The following ZFAT variants were observed in gnomAD, a reference collection of about 807,000 sequenced individuals.
The protein encoded by ZFAT is zinc finger protein ZFAT.
Under a neutral mutation model 117.7 loss-of-function variants are expected in ZFAT, and 64 were observed. That is an observed-to-expected ratio of 0.54 (90% CI 0.44 to 0.67). ZFAT has a LOEUF of 0.67. Among genes scored for constraint, ZFAT ranks in the 30% least tolerant of loss-of-function variants. The pLI is 0.00. For synonymous variants in ZFAT, 679 were observed against 615.0 expected, an observed-to-expected ratio of 1.10 and a Z score of -1.54; for missense variants, 1,433 against 1,584.5, an observed-to-expected ratio of 0.90 and a Z score of 1.62.
intron 15 of ZFAT, among the ~76,000 whole-genome samples, chr8:134,499,499 G>T (rs1474157185): frequency 6.7e-6 from 1 of 148,700 alleles, no homozygotes; most frequent in Non-Finnish European, 1.5e-5. Context: ...ATTTGGTAGG[G>T]TTGGCATGGA....
In ZFAT at chr8:134,658,055, C is replaced by T. The variant is rs545018632; in HGVS notation, c.20-318G>A. On this transcript the variant is annotated intron_variant, in intron 1 of 15. Transcript: ENST00000377838. The stretch of plus-strand genomic sequence containing the variant: ...TACAGCCAAGTAAAAAATAAATATG[C>T]GGCCGGGCGCGGTGGCGCACGCCTG... Among the ~76,000 whole-genome samples, 355 of 152,290 alleles carry T rather than the reference C, an allele frequency of 2.3e-3. 1 individual carries two copies. The highest frequency in any genetic ancestry group is 8.3e-3 in the African/African-American group (343 of 41,574).
chr8:134,588,500 G>T (rs1826223962), intron 8 of ZFAT, 105 bp from the exon 9 acceptor site: 3 of 1,243,330 alleles, frequency 2.4e-6, no homozygotes, highest in Non-Finnish European at 3.2e-6. Context: ...ATCAAGGTGT[G>T]CCTCATGGTG....
chr8:134,650,189 C>G (rs1455765117), intron 2 of ZFAT, among the ~76,000 whole-genome samples: 1 of 149,700 alleles, frequency 6.7e-6, no homozygotes, highest in Non-Finnish European at 1.5e-5. Context: ...GTGGTGCCAT[C>G]TTGGCTCACT....
chr8:134,584,949 G>A (rs551129185), intron 9 of ZFAT, among the ~76,000 whole-genome samples: 5 of 152,332 alleles, frequency 3.3e-5, no homozygotes, highest in East Asian at 1.9e-4. Flanking sequence ...GTCCAGGGGC[G>A]CAGAGCTGAG....
chr8:134,522,094 G>A (rs892671750), intron 12 of ZFAT, among the ~76,000 whole-genome samples: 1 of 152,246 alleles, frequency 6.6e-6, no homozygotes, highest in Non-Finnish European at 1.5e-5. Flanking sequence ...CAGAGAGCGT[G>A]TTCTTTCCCT....
intron 13 of ZFAT, among the ~76,000 whole-genome samples, chr8:134,515,833 C>T (rs911094445): frequency 6.6e-6 from 1 of 152,144 alleles, no homozygotes; most frequent in African/African-American, 2.4e-5. Context: ...GAAGCAAATC[C>T]TGAAATCATT....
At chr8:134,518,964 T>C (rs1243808734) in intron 13 of ZFAT, among the ~76,000 whole-genome samples, 1 of 152,150 alleles carries the variant, frequency 6.6e-6, no homozygotes, top group Non-Finnish European at 1.5e-5. Flanking sequence ...CATATGTCAT[T>C]GGGTCTATTC....
In ZFAT at chr8:134,713,023, A is replaced by AT. The variant is rs1814083701; in HGVS notation, c.-161dup. On this transcript the variant is annotated 5_prime_UTR_variant, in exon 1 of 16. It adds an upstream start codon to the 5' untranslated region. Transcript: ENST00000377838. The stretch of plus-strand genomic sequence containing the variant: ...TTATGGCGAATCTGCGGCATCCAAC[A>AT]TGGCGGATGGAGTCTTCGCCCTCCT... The AT allele has an allele frequency of 1.2e-6, 1 of 806,578 alleles. No homozygotes were observed. Among genetic ancestry groups the AT allele is most frequent in the Admixed American group, 4.2e-5 (1 of 23,596 alleles). 50.0% of individuals were successfully genotyped at this position (806,578 alleles called of 1,614,324 possible). A position where few individuals can be genotyped will look rare whatever the true frequency, so the allele number is the denominator to read the frequency against.
chr8:134,643,695 G>C (rs1159624098), intron 2 of ZFAT, among the ~76,000 whole-genome samples: 1 of 152,188 alleles, frequency 6.6e-6, no homozygotes, highest in Non-Finnish European at 1.5e-5. Flanking sequence ...GCCAAGCTGT[G>C]TGCTCCGGCA....
intron 1 of ZFAT, among the ~76,000 whole-genome samples, chr8:134,660,714 T>C (rs1439002506): frequency 1.3e-5 from 2 of 152,268 alleles, no homozygotes; most frequent in Non-Finnish European, 2.9e-5. Context: ...TTCTGTGACA[T>C]GTAACAGAGC....
chr8:134,650,250 C>A (rs143620346), intron 2 of ZFAT, among the ~76,000 whole-genome samples: 1 of 151,640 alleles, frequency 6.6e-6, no homozygotes, highest in Admixed American at 6.6e-5. Context: ...CTCAGCCTCC[C>A]GAGAAGCTGG....
chr8:134,801,187 C>A, the ZFAT span, among the ~76,000 whole-genome samples: 1 of 152,198 alleles, frequency 6.6e-6, no homozygotes. Flanking sequence ...CTCATCTTCT[C>A]CCCCACATTC....
At chr8:134,504,261 C>T (rs1819225128) in intron 15 of ZFAT, among the ~76,000 whole-genome samples, 1 of 152,176 alleles carries the variant, frequency 6.6e-6, no homozygotes, top group Non-Finnish European at 1.5e-5. Flanking sequence ...CCACAATGCC[C>T]TAGCACCCCC....
At chr8:134,741,997 T>C in the ZFAT span, among the ~76,000 whole-genome samples, 2 of 152,156 alleles carry the variant, frequency 1.3e-5, no homozygotes, top group African/African-American at 4.8e-5. Flanking sequence ...TCCTGAGAAC[T>C]GTGCCTCATC....
intron 11 of ZFAT, among the ~76,000 whole-genome samples, chr8:134,551,250 A>G (rs1823146446): frequency 6.6e-6 from 1 of 152,220 alleles, no homozygotes; most frequent in African/African-American, 2.4e-5. Context: ...GCTCATAGAA[A>G]TTGTGTTACT....
chr8:134,658,980 T>C (rs529985545), intron 1 of ZFAT, among the ~76,000 whole-genome samples: 1 of 152,332 alleles, frequency 6.6e-6, no homozygotes, highest in African/African-American at 2.4e-5. Context: ...TCTGCACCCA[T>C]GGTGTGCCCT....
chr8:134,652,457 T>C (rs1391719505), intron 2 of ZFAT, among the ~76,000 whole-genome samples: 1 of 152,320 alleles, frequency 6.6e-6, no homozygotes, highest in African/African-American at 2.4e-5. Flanking sequence ...CGGAAAGTCA[T>C]AAATATGTAG....
intron 15 of ZFAT, among the ~76,000 whole-genome samples, chr8:134,505,103 T>G (rs886636018): frequency 3.9e-5 from 6 of 152,220 alleles, no homozygotes; most frequent in African/African-American, 1.4e-4. Flanking sequence ...CTGATTGTTC[T>G]TTTTTCCAGT....
At chr8:134,623,919 C>T (rs908693223) in intron 3 of ZFAT, among the ~76,000 whole-genome samples, 2 of 152,032 alleles carry the variant, frequency 1.3e-5, no homozygotes, top group Non-Finnish European at 2.9e-5. Flanking sequence ...ACAAGCTCTC[C>T]CAATACCTTG....
Sources: allele counts gnomAD v4.1 joint callset (sites outside exome capture counted in the v4.1 genomes callset), GRCh38; gene constraint gnomAD v4.1.1; transcripts MANE v1.5; gene names NCBI Gene and HGNC (gene_info 2026-07-23, HGNC 2026-07-21).